Variants in SASH1 observed in about 807,000 individuals in gnomAD.
SASH1 encodes SAM and SH3 domain containing 1, also known as SAM and SH3 domain-containing protein 1.
In SASH1, 44 loss-of-function variants were observed where a neutral mutation model predicts 125.2. The observed-to-expected ratio is 0.35, with a 90% CI of 0.28 to 0.45. The LOEUF (loss-of-function observed/expected upper bound fraction) is 0.45. Ranked by LOEUF, SASH1 falls within the 20% of genes least tolerant of loss-of-function variation. The pLI is 1.00. For synonymous variants in SASH1, 639 were observed against 649.1 expected, an observed-to-expected ratio of 0.98 and a Z score of 0.24; for missense variants, 1,426 against 1,614.5, an observed-to-expected ratio of 0.88 and a Z score of 2.00.
the SASH1 span, among the ~76,000 whole-genome samples, chr6:148,193,989 T>C: frequency 6.6e-6 from 1 of 152,344 alleles, no homozygotes; most frequent in African/African-American, 2.4e-5. Flanking sequence ...ACTTTTGGTT[T>C]TCTTTAACTG....
At chr6:148,467,336 A>T (rs1255012961) in intron 4 of SASH1, among the ~76,000 whole-genome samples, 2 of 151,948 alleles carry the variant, frequency 1.3e-5, no homozygotes, top group African/African-American at 4.8e-5. Context: ...ACCTCAAGTG[A>T]TCTGCCCACC....
the SASH1 span, among the ~76,000 whole-genome samples, chr6:148,199,479 A>T: frequency 6.6e-5 from 10 of 152,142 alleles, no homozygotes; most frequent in African/African-American, 2.4e-4. Flanking sequence ...AAGGTTGGTA[A>T]TTGGGGCCAG....
intron 2 of SASH1, among the ~76,000 whole-genome samples, chr6:148,433,839 A>AAT (rs1221001783): frequency 6.6e-6 from 1 of 151,998 alleles, no homozygotes; most frequent in Non-Finnish European, 1.5e-5. Flanking sequence ...GGGGACTTTT[A>AAT]TTAAGTTTTA....
chr6:148,335,206 G>A (rs2114611764), intron 1 of SASH1, among the ~76,000 whole-genome samples: 1 of 151,300 alleles, frequency 6.6e-6, no homozygotes, highest in East Asian at 2.0e-4. Flanking sequence ...GCTGAGGCAG[G>A]AGAATCATTT....
At chr6:148,371,332 C>T (rs911819647) in intron 1 of SASH1, among the ~76,000 whole-genome samples, 1 of 151,800 alleles carries the variant, frequency 6.6e-6, no homozygotes, top group Non-Finnish European at 1.5e-5. Context: ...TCTCAGCTCA[C>T]TGCAACCTCT....
chr6:148,351,589 G>A (rs1165201903), intron 1 of SASH1, among the ~76,000 whole-genome samples: 3 of 148,650 alleles, frequency 2.0e-5, no homozygotes, highest in Non-Finnish European at 4.4e-5. Context: ...TTTAAGTAAA[G>A]AGCCATTGAG....
chr6:148,354,000 C>G (rs1781834365), intron 1 of SASH1, among the ~76,000 whole-genome samples: 1 of 151,984 alleles, frequency 6.6e-6, no homozygotes. Flanking sequence ...AGAGACCACA[C>G]CTCTACAAAA....
At chr6:148,234,463 C>G in the SASH1 span, among the ~76,000 whole-genome samples, 1 of 152,056 alleles carries the variant, frequency 6.6e-6, no homozygotes, top group South Asian at 2.1e-4. Flanking sequence ...TTGGCAGGAT[C>G]CCTTCCTTTG....
At position 148,508,367 on chromosome 6, in the gene SASH1, CT is replaced by C. The variant is rs981206983; in HGVS notation, c.730-5953del. ...AGAGATCTTTTTTTAAGTTCAGTCA[CT>C]TTTAAGGGTTAGTCCTTGTCCTCCT... On this transcript the variant is annotated intron_variant, in intron 8 of 19. Transcript: ENST00000367467. The C allele has an allele frequency of 3.0e-5, 16 of 540,914 alleles. No individual in the cohort carries two copies. The African/African-American group carries it at 3.1e-4, about 10-fold the overall frequency. The allele number at this position is 540,914 out of a possible 1,614,324, so 33.5% of individuals were successfully genotyped here.
At chr6:148,334,690 T>G (rs1299239787) in intron 1 of SASH1, among the ~76,000 whole-genome samples, 3 of 151,332 alleles carry the variant, frequency 2.0e-5, no homozygotes, top group Non-Finnish European at 4.4e-5. Context: ...CACGCGCGTG[T>G]AATCCTAGCT....
upstream of SASH1, among the ~76,000 whole-genome samples, chr6:148,339,111 A>G (rs1056970451): frequency 6.6e-6 from 1 of 152,176 alleles, no homozygotes; most frequent in Non-Finnish European, 1.5e-5. Context: ...AGAGTCGTCA[A>G]TCTTGGGAGT....
At chr6:148,322,575 G>C (rs539562324) in intron 1 of SASH1, among the ~76,000 whole-genome samples, 3 of 152,142 alleles carry the variant, frequency 2.0e-5, no homozygotes, top group Admixed American at 6.5e-5. Flanking sequence ...GCAGAGGCTG[G>C]GTAGGGTTAC....
intron 4 of SASH1, among the ~76,000 whole-genome samples, chr6:148,441,248 TGGG>T (rs955927308): frequency 6.6e-6 from 1 of 152,214 alleles, no homozygotes; most frequent in Non-Finnish European, 1.5e-5. Context: ...AAGCACACGT[TGGG>T]GAGAGCGTGT....
intron 2 of SASH1, among the ~76,000 whole-genome samples, chr6:148,403,516 A>G (rs1309945729): frequency 1.3e-5 from 2 of 152,138 alleles, no homozygotes; most frequent in African/African-American, 2.4e-5. Context: ...AAAGATAACA[A>G]TTGTTAACAG....
chr6:148,297,817 G>A (rs1265022580), intron 1 of SASH1, among the ~76,000 whole-genome samples: 2 of 151,850 alleles, frequency 1.3e-5, no homozygotes, highest in East Asian at 1.9e-4. Context: ...GTGACAGAGC[G>A]AGACTCTATC....
chr6:148,333,558 CGTT>C (rs1043770026), intron 1 of SASH1, among the ~76,000 whole-genome samples: 1 of 151,866 alleles, frequency 6.6e-6, no homozygotes, highest in African/African-American at 2.4e-5. Flanking sequence ...GATAAAATAT[CGTT>C]GTCGCTGTTG....
intron 1 of SASH1, among the ~76,000 whole-genome samples, chr6:148,381,502 G>A (rs888262260): frequency 6.6e-6 from 1 of 152,122 alleles, no homozygotes; most frequent in Non-Finnish European, 1.5e-5. Flanking sequence ...TGCTGAGGAG[G>A]AGGGGTGGAT....
At chr6:148,327,620 A>C (rs1780866001) in intron 1 of SASH1, among the ~76,000 whole-genome samples, 2 of 150,644 alleles carry the variant, frequency 1.3e-5, no homozygotes, top group South Asian at 4.2e-4. Flanking sequence ...AAGAAAGATT[A>C]GTCAAAATTA....
At chr6:148,525,394 T>C in intron 11 of SASH1, 29 bp downstream of exon 11, 1 of 1,532,484 alleles carries the variant, frequency 6.5e-7, no homozygotes. Context: ...AAGCAAAAAA[T>C]ATGGATTCAG....
Sources: allele counts gnomAD v4.1 joint callset (sites outside exome capture counted in the v4.1 genomes callset), GRCh38; gene constraint gnomAD v4.1.1; transcripts MANE v1.5; gene names NCBI Gene and HGNC (gene_info 2026-07-23, HGNC 2026-07-21).